The following FLRT2 variants were observed in gnomAD, a reference collection of about 807,000 sequenced individuals.
FLRT2 encodes fibronectin leucine rich transmembrane protein 2.
Under a neutral mutation model 40.0 loss-of-function variants are expected in FLRT2, and 15 were observed. The ratio of observed to expected loss-of-function variants is 0.38; its 90% CI spans 0.25 to 0.58. The LOEUF is 0.58. FLRT2 is among the 20% of genes least tolerant of loss of function. FLRT2 has a pLI of 0.71. For synonymous variants in FLRT2, 380 were observed against 336.8 expected, an observed-to-expected ratio of 1.13 and a Z score of -1.41; for missense variants, 726 against 840.0, an observed-to-expected ratio of 0.86 and a Z score of 1.68.
At position 85,595,459 on chromosome 14, in the gene FLRT2, A is replaced by G. The variant is rs193076195; in HGVS notation, c.-376-25680A>G. Among the ~76,000 whole-genome samples the G allele has an allele frequency of 2.0e-4, 30 of 152,170 alleles. 1 individual carries two copies. The East Asian group carries it at 5.4e-3, about 27-fold the overall frequency. On this transcript the variant is annotated intron_variant, in intron 1 of 1. Coordinates refer to ENST00000330753, the MANE Select transcript of FLRT2 (RefSeq NM_013231.6). ...GCAGTAAGATGTGAAAAAAAAAAAA[A>G]AAAATGCCCGACAAGGTGCTTGGCA...
chr14:85,601,903 G>A (rs759447778), intron 1 of FLRT2, among the ~76,000 whole-genome samples: 2 of 152,274 alleles, frequency 1.3e-5, no homozygotes, highest in Non-Finnish European at 2.9e-5. Flanking sequence ...TGAGGTCACC[G>A]TGGAATGTTT....
intron 1 of FLRT2, among the ~76,000 whole-genome samples, chr14:85,545,823 T>G (rs1418888576): frequency 6.6e-6 from 1 of 152,234 alleles, no homozygotes; most frequent in Non-Finnish European, 1.5e-5. Context: ...TTACCAGCAC[T>G]GCTAAATGGA....
chr14:85,637,207 T>C lies in FLRT2; in HGVS notation c.*13710T>C, dbSNP rs534212441. ...AATTTTCATCTAGACAAAGAAGTTA[T>C]TAAAAGCATTAACAAGTAGTTGAAA... is the stretch of plus-strand genomic sequence containing the variant. On this transcript the variant is annotated 3_prime_UTR_variant, in exon 2 of 2. Transcript: ENST00000330753. 1 of 152,254 alleles carries C rather than the reference T, an allele frequency of 6.6e-6. No individual in the cohort carries two copies. Among genetic ancestry groups the C allele is most frequent in the South Asian group, 2.1e-4 (1 of 4,826 alleles). 9.4% of individuals were successfully genotyped at this position (152,254 alleles called of 1,614,324 possible). A position where few individuals can be genotyped will look rare whatever the true frequency, so the allele number is the denominator to read the frequency against.
In FLRT2 at chr14:85,629,430, A is replaced by G. The variant is rs1400558999; in HGVS notation, c.*5933A>G. ...AAATTTTTATTAAGCACCACGATGG[A>G]ACTCAATCTAAAGGAATAATGGCAC... On this transcript the variant is annotated 3_prime_UTR_variant, in exon 2 of 2. Transcript: ENST00000330753. 6.6e-6 allele frequency: 1 copy of G among 152,246 alleles called. No individual in the cohort carries two copies. The highest frequency in any genetic ancestry group is 2.4e-5 in the African/African-American group (1 of 41,472). The allele number at this position is 152,246 out of a possible 1,614,324, so 9.4% of individuals were successfully genotyped here.
chr14:85,614,299 T>C (rs1038595648), intron 1 of FLRT2, among the ~76,000 whole-genome samples: 6 of 152,116 alleles, frequency 3.9e-5, no homozygotes, highest in Non-Finnish European at 8.8e-5. Flanking sequence ...TAATTGGTCC[T>C]CTTAGTTACT....
At chr14:85,538,395 G>A (rs781117190) in intron 1 of FLRT2, among the ~76,000 whole-genome samples, 2 of 152,126 alleles carry the variant, frequency 1.3e-5, no homozygotes, top group Non-Finnish European at 2.9e-5. Flanking sequence ...CATTTTTGAA[G>A]CATTCACAAA....
rs147724724 is a variant in FLRT2 at position 85,594,790 on chromosome 14, C to T, written c.-376-26349C>T. On this transcript the variant is annotated intron_variant, in intron 1 of 1. Transcript: ENST00000330753. ...CCCTCTGCACAGTTGAAAAATCTGC[C>T]GTTACCTTTTGACTCCCCCAGAATT... 5.1e-4 allele frequency among the ~76,000 whole-genome samples: 77 copies of T among 152,160 alleles called. No individual in the cohort carries two copies. The East Asian group carries it at 0.012, about 23-fold the overall frequency.
At position 85,622,562 on chromosome 14, in the gene FLRT2, G is replaced by C; in HGVS notation, c.1048G>C (p.Val350Leu). ...TCCTGAACAAGTCCGGGGGATGGCC[G>C]TCAGGGAATTAAATATGAATCTTTT... ...QGPEQVRGMA[V>L]RELNMNLLSC... The change falls in exon 2 of 2, where the codon GTC becomes CTC. Residue 350 changes from valine to leucine, a missense_variant. Transcript: ENST00000330753. The C allele has an allele frequency of 6.2e-7, 1 of 1,613,688 alleles. No individual in the cohort carries two copies. The highest frequency in any genetic ancestry group is 8.5e-7 in the Non-Finnish European group (1 of 1,179,988).
intron 1 of FLRT2, among the ~76,000 whole-genome samples, chr14:85,572,801 C>T (rs906397374): frequency 6.6e-6 from 1 of 152,118 alleles, no homozygotes; most frequent in African/African-American, 2.4e-5. Context: ...TCATAGTAGC[C>T]CCTTGAGTTA....
At chr14:85,570,535 C>G (rs1028954483) in intron 1 of FLRT2, among the ~76,000 whole-genome samples, 1 of 150,810 alleles carries the variant, frequency 6.6e-6, no homozygotes, top group Non-Finnish European at 1.5e-5. Flanking sequence ...TTGTATTTCC[C>G]TTTAAATTCT....
intron 1 of FLRT2, among the ~76,000 whole-genome samples, chr14:85,596,862 C>T (rs978742454): frequency 9.2e-5 from 14 of 152,010 alleles, no homozygotes; most frequent in African/African-American, 3.4e-4. Flanking sequence ...GAGCATATGG[C>T]CTTAACGATT....
chr14:85,600,814 G>T (rs998100648), intron 1 of FLRT2, among the ~76,000 whole-genome samples: 1 of 152,132 alleles, frequency 6.6e-6, no homozygotes, highest in Non-Finnish European at 1.5e-5. Context: ...TTTTGGAATA[G>T]TGAAGACCTG....
chr14:85,602,984 T>C (rs569235939), intron 1 of FLRT2, among the ~76,000 whole-genome samples: 2 of 152,268 alleles, frequency 1.3e-5, no homozygotes, highest in African/African-American at 4.8e-5. Context: ...TGATGGGGAA[T>C]GTGAAAAGTA....
At chr14:85,564,914 C>T (rs545412370) in intron 1 of FLRT2, among the ~76,000 whole-genome samples, 44 of 152,310 alleles carry the variant, frequency 2.9e-4, no homozygotes, top group African/African-American at 1.1e-3. Flanking sequence ...AGATAAGAGA[C>T]TCATCCTATG....
chr14:85,598,535 A>G (rs1013524235), intron 1 of FLRT2, among the ~76,000 whole-genome samples: 7 of 152,196 alleles, frequency 4.6e-5, no homozygotes, highest in African/African-American at 1.7e-4. Flanking sequence ...TCAGCCCTTT[A>G]TGTCCACTGA....
At chr14:85,531,864 G>A (rs1888303273) in intron 1 of FLRT2, among the ~76,000 whole-genome samples, 1 of 152,190 alleles carries the variant, frequency 6.6e-6, no homozygotes, top group African/African-American at 2.4e-5. Context: ...GGTAGTGTGC[G>A]CGTGTGTGTG....
chr14:85,619,299 G>T (rs1479819714), intron 1 of FLRT2, among the ~76,000 whole-genome samples: 3 of 151,768 alleles, frequency 2.0e-5, no homozygotes, highest in Admixed American at 6.6e-5. Context: ...TGCCCAAGCT[G>T]GTCTCGAACT....
intron 1 of FLRT2, among the ~76,000 whole-genome samples, chr14:85,609,811 G>T (rs1892781429): frequency 6.6e-6 from 1 of 152,176 alleles, no homozygotes; most frequent in Non-Finnish European, 1.5e-5. Flanking sequence ...CTAGAAACGT[G>T]TCAAACTCTA....
chr14:85,588,867 G>T (rs533293889), intron 1 of FLRT2, among the ~76,000 whole-genome samples: 1 of 152,278 alleles, frequency 6.6e-6, no homozygotes, highest in South Asian at 2.1e-4. Context: ...ATGAGAACAT[G>T]TGATGTTTGT....
Sources: gnomAD v4.1 joint callset for allele counts (sites outside exome capture counted in the v4.1 genomes callset) on GRCh38, gnomAD v4.1.1 for gene constraint, MANE v1.5 for transcripts, NCBI Gene and HGNC (gene_info 2026-07-23, HGNC 2026-07-21) for gene names.